CDC42BPB: variants seen among roughly 807,000 people sequenced by gnomAD.
CDC42BPB encodes serine/threonine-protein kinase MRCK beta.
A neutral mutation model predicts 214.9 loss-of-function variants in CDC42BPB; 37 were observed. The ratio of observed to expected loss-of-function variants is 0.17; its 90% CI spans 0.13 to 0.23. CDC42BPB has a LOEUF of 0.23. Among genes scored for constraint, CDC42BPB ranks in the 10% least tolerant of loss-of-function variants. The pLI is 1.00. For missense variants in CDC42BPB, 1,694 were observed against 2,227.0 expected, an observed-to-expected ratio of 0.76 and a Z score of 4.82; for synonymous variants, 931 against 884.0, an observed-to-expected ratio of 1.05 and a Z score of -0.94.
chr14:103,013,219 G>C (rs1418266946), intron 1 of CDC42BPB, among the ~76,000 whole-genome samples: 1 of 152,168 alleles, frequency 6.6e-6, no homozygotes, highest in Admixed American at 6.5e-5. Flanking sequence ...CCTGCACGCA[G>C]GAGCCACGGG....
chr14:103,049,283 C>T (rs1356084390), intron 1 of CDC42BPB, among the ~76,000 whole-genome samples: 2 of 152,234 alleles, frequency 1.3e-5, no homozygotes, highest in African/African-American at 2.4e-5. Flanking sequence ...ATCCCACCCC[C>T]GGCCTGCTTG....
chr14:102,963,421 T>C (rs534180944), intron 19 of CDC42BPB: 34 of 338,094 alleles, frequency 1.0e-4, no homozygotes, highest in African/African-American at 6.9e-4. Context: ...ACCTTCCTAA[T>C]CTTGTTCCCA....
At chr14:102,952,415 G>A (rs1892530154) in intron 24 of CDC42BPB, 83 bp downstream of exon 24, 6 of 825,596 alleles carry the variant, frequency 7.3e-6, no homozygotes, top group Non-Finnish European at 1.0e-5. Flanking sequence ...TTGCATCAGG[G>A]CTGCCCTGGA....
Position 102,949,924 on chromosome 14 carries a change from G to A in CDC42BPB, c.3310-20C>T, listed in dbSNP as rs763580081. The A allele has an allele frequency of 1.2e-6, 2 of 1,611,830 alleles. No homozygotes were observed. The highest frequency in any genetic ancestry group is 1.7e-6 in the Non-Finnish European group (2 of 1,179,080). On this transcript the variant is annotated intron_variant, in intron 25 of 36. Transcript: ENST00000361246. ...TGGGACCTATGAATAAAAACAAACA[G>A]TGGCCACGTTCCACCAGGCCAGGCA...
chr14:102,995,521 G>A (rs865803054), intron 5 of CDC42BPB, among the ~76,000 whole-genome samples: 8 of 152,146 alleles, frequency 5.3e-5, no homozygotes, highest in South Asian at 2.1e-4. Flanking sequence ...CTGCCTTTCC[G>A]GATATCATCA....
intron 29 of CDC42BPB, 71 bp downstream of exon 29, chr14:102,945,591 G>T: frequency 1.5e-6 from 2 of 1,357,320 alleles, no homozygotes; most frequent in South Asian, 1.2e-5. Flanking sequence ...AGGAGCTACT[G>T]ACCCTGTGCT....
In CDC42BPB at chr14:102,968,594, G is replaced by A. The variant is rs768296470; in HGVS notation, c.2118C>T (p.Ala706=). The change falls in exon 15 of 37, where the codon GCC becomes GCT. Residue 706 remains alanine, a synonymous_variant. Coordinates refer to ENST00000361246, the MANE Select transcript of CDC42BPB (RefSeq NM_006035.4). The part of the protein sequence containing the change: ...FYEEELVRRE[A]SHVLEVKNVK... ...CATTTTTCACTTCTAGCACATGGGA[G>A]GCCTCACGTCTGACCAATTCCTCTT... The A allele has an allele frequency of 2.2e-5, 35 of 1,614,162 alleles. No homozygotes were observed. In the South Asian group the frequency reaches 3.7e-4, roughly 17 times the overall value.
At position 102,999,666 on chromosome 14, in the gene CDC42BPB, G is replaced by T; in HGVS notation, c.495C>A (p.Leu165=). The change falls in exon 5 of 37, where the codon CTC becomes CTA. Residue 165 remains leucine (L), a synonymous_variant. Coordinates refer to ENST00000361246, the MANE Select transcript of CDC42BPB (RefSeq NM_006035.4). ...CCGGAAGCTTGTCTTCAAATTTGCT[G>T]AGCAGGGTCAGTAAATCACCACCCA... ...YYVGGDLLTL[L]SKFEDKLPED... 1 of 1,614,168 alleles carries T rather than the reference G, an allele frequency of 6.2e-7. No individual in the cohort carries two copies. The highest frequency in any genetic ancestry group is 8.5e-7 in the Non-Finnish European group (1 of 1,180,026).
In CDC42BPB at chr14:102,943,605, C is replaced by G. The variant is rs529098227; in HGVS notation, c.4408+286G>C. On this transcript the variant is annotated intron_variant, in intron 30 of 36. Coordinates refer to ENST00000361246, the MANE Select transcript of CDC42BPB (RefSeq NM_006035.4). This position sits in a 1 kb window ranked among gnomAD's most constrained non-coding sequence, Gnocchi z 4.6. ...CCCGTTCTCGGTTCGCCGAGCCCTT[C>G]TGCCCAGGGGCCTATGCCCGCCGAC... Among the ~76,000 whole-genome samples, 1 of 151,804 alleles carries G rather than the reference C, an allele frequency of 6.6e-6. No homozygotes were observed. The highest frequency in any genetic ancestry group is 2.4e-5 in the African/African-American group (1 of 41,302).
Position 102,980,937 on chromosome 14 carries a change from G to A in CDC42BPB, c.976C>T (p.Arg326Cys), listed in dbSNP as rs754126714. ...TCTATTCCATTCTGCCCCAGCCGGC[G>A]TTCTCTACTGCAGATCAGTCTCTGG... is the stretch of plus-strand genomic sequence containing the variant. ...LIQRLICSRERRLGQNGIEDF... is the reference protein window; with the variant it reads ...LIQRLICSRECRLGQNGIEDF... Residue 326 changes from arginine (R) to cysteine (C), a missense_variant, in exon 8 of 37, where the codon CGC becomes TGC. Physicochemically the swap from Arg to Cys is radical, Grantham distance 180. Around this residue, in one of 7 missense-constraint regions of CDC42BPB, gnomAD observed 225 missense variants for 459.3 expected, o/e 0.49. Coordinates refer to ENST00000361246, the MANE Select transcript of CDC42BPB (RefSeq NM_006035.4). The A allele has an allele frequency of 2.8e-5, 45 of 1,614,038 alleles. No homozygotes were observed. Among genetic ancestry groups the A allele is most frequent in the African/African-American group, 5.3e-5 (4 of 74,916 alleles).
intron 6 of CDC42BPB, 44 bp downstream of exon 6, chr14:102,986,443 C>G (rs1894250766): frequency 1.4e-6 from 2 of 1,471,764 alleles, no homozygotes; most frequent in African/African-American, 2.8e-5. Flanking sequence ...TGACTATATG[C>G]CAAACCCAAA....
intron 5 of CDC42BPB, among the ~76,000 whole-genome samples, chr14:102,992,181 G>A (rs1012727577): frequency 2.6e-5 from 4 of 152,326 alleles, no homozygotes; most frequent in African/African-American, 9.6e-5. Flanking sequence ...GTGCTGCTGT[G>A]AGCGTGCAGT....
chr14:103,053,857 T>G (rs149177175), intron 1 of CDC42BPB, among the ~76,000 whole-genome samples: 54 of 152,176 alleles, frequency 3.5e-4, no homozygotes, highest in African/African-American at 1.3e-3. Context: ...TTATTTATTT[T>G]TGAGACAGGG....
At chr14:103,043,409 T>A (rs1888119135) in intron 1 of CDC42BPB, among the ~76,000 whole-genome samples, 1 of 152,198 alleles carries the variant, frequency 6.6e-6, no homozygotes. Context: ...CTTGACAACA[T>A]GATGTCAGTC....
intron 3 of CDC42BPB, among the ~76,000 whole-genome samples, chr14:103,006,288 G>A (rs1006000430): frequency 2.6e-5 from 4 of 152,248 alleles, no homozygotes; most frequent in Non-Finnish European, 5.9e-5. Flanking sequence ...TGAGTCCCAG[G>A]TGAGGTGAGA....
chr14:103,013,898 G>A (rs1886302010), intron 1 of CDC42BPB, among the ~76,000 whole-genome samples: 1 of 152,228 alleles, frequency 6.6e-6, no homozygotes, highest in Non-Finnish European at 1.5e-5. Context: ...AGGCGCAGTG[G>A]CTCACACCTG....
intron 1 of CDC42BPB, chr14:103,041,823 C>A: frequency 4.9e-6 from 2 of 408,326 alleles, no homozygotes; most frequent in East Asian, 6.4e-5. Context: ...TGAAGGAGCA[C>A]CACTCCAACC....
At position 103,003,906 on chromosome 14, in the gene CDC42BPB, A is replaced by T. The variant is rs747249166; in HGVS notation, c.447+22T>A. On this transcript the variant is annotated intron_variant, in intron 4 of 36. Transcript: ENST00000361246. The stretch of plus-strand genomic sequence containing the variant: ...AAAGCCGGAGCGAATGCCCTGACCG[A>T]GTCTCTGGCTGTGCGACCTACCAGG... 13 of 1,586,424 alleles carry T rather than the reference A, an allele frequency of 8.2e-6. No individual in the cohort carries two copies. In the East Asian group the frequency reaches 2.9e-4, roughly 36 times the overall value.
chr14:102,999,714 C>G lies in CDC42BPB; in HGVS notation c.448-1G>C. ...CCACATAGTAATCCATGACTAAGTACTACAAATTGGAAAGAGAAGGGGAGA... is the reference window on the plus strand; with the variant it reads ...CCACATAGTAATCCATGACTAAGTAGTACAAATTGGAAAGAGAAGGGGAGA... On this transcript the variant is annotated splice_acceptor_variant, in intron 4 of 36. Transcript: ENST00000361246. LOFTEE classifies it high-confidence loss of function. 6.2e-7 allele frequency: 1 copy of G among 1,614,070 alleles called. No homozygotes were observed. The highest frequency in any genetic ancestry group is 8.5e-7 in the Non-Finnish European group (1 of 1,179,974).
Sources: gnomAD v4.1 joint callset for allele counts (sites outside exome capture counted in the v4.1 genomes callset) on GRCh38, gnomAD v4.1.1 for gene constraint, gnomAD v4.1.1 regional missense constraint, Gnocchi (gnomAD v3.1) non-coding constraint, MANE v1.5 for transcripts, NCBI Gene and HGNC (gene_info 2026-07-23, HGNC 2026-07-21) for gene names.